Variants in BMP6 observed in about 807,000 individuals in gnomAD.
BMP6 encodes VG-1-R.
A neutral mutation model predicts 54.1 loss-of-function variants in BMP6; 17 were observed. The ratio of observed to expected loss-of-function variants is 0.31; its 90% confidence interval spans 0.22 to 0.47. The LOEUF (loss-of-function observed/expected upper bound fraction) is 0.47, where lower values mean the gene tolerates loss of function less well. Ranked by LOEUF, BMP6 falls within the 20% of genes least tolerant of loss-of-function variation. BMP6 has a pLI of 1.00. For missense variants in BMP6, 720 were observed against 690.4 expected (o/e 1.04, Z -0.48); for synonymous variants, 328 against 291.2 (o/e 1.13, Z -1.28).
chr6:7,773,535 CAG>C, intron 1 of BMP6, among the ~76,000 whole-genome samples: 1 of 152,118 alleles, frequency 6.6e-6, no homozygotes, highest in East Asian at 1.9e-4. Flanking sequence ...AACATAGGCT[CAG>C]AAAGGATATG....
Position 7,869,153 on chromosome 6 carries a change from C to A in BMP6, c.1204+6655C>A, listed in dbSNP as rs1248933743. ...CAGCAGCTGCGTGGTGGCCCTCCAGCCCCGCGGTGCAGCCTCCCCGCACAA... is the reference window on the plus strand; with the variant it reads ...CAGCAGCTGCGTGGTGGCCCTCCAGACCCGCGGTGCAGCCTCCCCGCACAA... On this transcript the variant is annotated intron_variant, in intron 4 of 6. Coordinates refer to ENST00000283147, the MANE Select transcript of BMP6 (RefSeq NM_001718.6). 2.0e-5 allele frequency among the ~76,000 whole-genome samples: 3 copies of A among 152,350 alleles called. No homozygotes were observed. The South Asian group carries it at 6.2e-4, about 32-fold the overall frequency.
rs905660337 is a variant in BMP6 at position 7,739,643 on chromosome 6, C to G, written c.664+12024C>G. The stretch of plus-strand genomic sequence containing the variant: ...GTTAACTGAATGTTCCAAATAGCAC[C>G]CAGTCATGTAATAGAACAGTTTTGT... On this transcript the variant is annotated intron_variant, in intron 1 of 6. Coordinates refer to ENST00000283147, the MANE Select transcript of BMP6 (RefSeq NM_001718.6). 6.3e-5 allele frequency among the ~76,000 whole-genome samples: 9 copies of G among 142,192 alleles called. No homozygotes were observed. In the East Asian group the frequency reaches 1.3e-3, roughly 21 times the overall value. 93.3% of individuals were successfully genotyped at this position (142,192 alleles called of 152,430 possible).
intron 1 of BMP6, among the ~76,000 whole-genome samples, chr6:7,732,726 T>C (rs9505269): frequency 0.012 from 1,865 of 152,280 alleles, 36 homozygotes; most frequent in African/African-American, 0.04. Context: ...AACTAAAAGA[T>C]AGCAGCTCTG....
intron 1 of BMP6, among the ~76,000 whole-genome samples, chr6:7,747,201 C>A (rs2113124623): frequency 6.6e-6 from 1 of 152,348 alleles, no homozygotes; most frequent in South Asian, 2.1e-4. Context: ...GGCAGGATTC[C>A]AGCCCCGTGG....
chr6:7,769,015 C>T (rs2113152248), intron 1 of BMP6, among the ~76,000 whole-genome samples: 1 of 152,300 alleles, frequency 6.6e-6, no homozygotes, highest in Non-Finnish European at 1.5e-5. Context: ...AACAGCTTTA[C>T]TGACTAGATA....
intron 4 of BMP6, among the ~76,000 whole-genome samples, chr6:7,863,402 G>A (rs1429366468): frequency 2.0e-5 from 3 of 152,156 alleles, no homozygotes; most frequent in African/African-American, 7.2e-5. Flanking sequence ...GGAATTCTTA[G>A]TAAAACTATC....
chr6:7,801,543 T>A (rs753532712), intron 1 of BMP6, among the ~76,000 whole-genome samples: 4 of 152,188 alleles, frequency 2.6e-5, no homozygotes, highest in Non-Finnish European at 4.4e-5. Context: ...TCACGTTTCA[T>A]CCACAGGCTT....
chr6:7,812,563 A>G (rs1360743075), intron 1 of BMP6, among the ~76,000 whole-genome samples: 3 of 152,228 alleles, frequency 2.0e-5, no homozygotes, highest in African/African-American at 7.2e-5. Flanking sequence ...AAATTTTCAG[A>G]CACATGTCAA....
chr6:7,786,305 C>G (rs886557721), intron 1 of BMP6, among the ~76,000 whole-genome samples: 2 of 152,160 alleles, frequency 1.3e-5, no homozygotes, highest in African/African-American at 4.8e-5. Flanking sequence ...CTGGAGAGGA[C>G]TGACTGCCTG....
At chr6:7,828,112 A>AT (rs1254999522) in intron 1 of BMP6, among the ~76,000 whole-genome samples, 1 of 152,042 alleles carries the variant, frequency 6.6e-6, no homozygotes, top group Non-Finnish European at 1.5e-5. Flanking sequence ...AGCCTGGTGA[A>AT]TTTTTTGTTA....
At chr6:7,804,121 T>C (rs1241942357) in intron 1 of BMP6, among the ~76,000 whole-genome samples, 1 of 152,118 alleles carries the variant, frequency 6.6e-6, no homozygotes, top group Non-Finnish European at 1.5e-5. Flanking sequence ...CACACTAAAT[T>C]GGAGCATTAT....
At position 7,791,343 on chromosome 6, in the gene BMP6, GA is replaced by G. The variant is rs1758103942; in HGVS notation, c.665-53796del. Among the ~76,000 whole-genome samples the G allele has an allele frequency of 4.6e-5, 7 of 152,292 alleles. No individual in the cohort carries two copies. The South Asian group carries it at 1.5e-3, about 32-fold the overall frequency. ...TTGCGTCCACTCCCACTGCTTCGGT[GA>G]GATGGATCAGTGACTCTCTCATTGC... On this transcript the variant is annotated intron_variant, in intron 1 of 6. Coordinates refer to ENST00000283147, the MANE Select transcript of BMP6 (RefSeq NM_001718.6).
intron 1 of BMP6, among the ~76,000 whole-genome samples, chr6:7,841,107 T>C (rs1049697861): frequency 3.3e-5 from 5 of 152,222 alleles, no homozygotes; most frequent in African/African-American, 1.2e-4. Context: ...GTATAGATTG[T>C]GTCACCTAAT....
intron 1 of BMP6, among the ~76,000 whole-genome samples, chr6:7,734,184 C>T (rs1761918404): frequency 6.6e-6 from 1 of 152,124 alleles, no homozygotes; most frequent in Admixed American, 6.5e-5. Flanking sequence ...TTTCTGGGGA[C>T]ACGTATGCCC....
intron 1 of BMP6, among the ~76,000 whole-genome samples, chr6:7,746,163 T>G (rs1411654367): frequency 6.6e-6 from 1 of 152,016 alleles, no homozygotes; most frequent in Non-Finnish European, 1.5e-5. Flanking sequence ...CCCTGAGAGG[T>G]CCGAGGTGCC....
intron 1 of BMP6, among the ~76,000 whole-genome samples, chr6:7,733,033 G>C (rs6909669): frequency 0.032 from 4,794 of 151,938 alleles, 249 homozygotes; most frequent in African/African-American, 0.11. Context: ...AGAGTAGCTG[G>C]GATTACAGGT....
chr6:7,797,536 C>T (rs1227316749), intron 1 of BMP6, among the ~76,000 whole-genome samples: 1 of 152,142 alleles, frequency 6.6e-6, no homozygotes, highest in South Asian at 2.1e-4. Context: ...AGGTGAGAAA[C>T]AAGAGTGGGT....
At chr6:7,801,005 A>G (rs1010166085) in intron 1 of BMP6, among the ~76,000 whole-genome samples, 11 of 152,102 alleles carry the variant, frequency 7.2e-5, no homozygotes, top group African/African-American at 2.7e-4. Context: ...GCAGGTACCT[A>G]AGTTTTTCAG....
intron 1 of BMP6, among the ~76,000 whole-genome samples, chr6:7,780,588 T>C (rs1480742911): frequency 6.6e-6 from 1 of 152,206 alleles, no homozygotes; most frequent in Non-Finnish European, 1.5e-5. Flanking sequence ...AACTTAAATT[T>C]CTTTTAATCC....
Sources: gnomAD v4.1 joint callset for allele counts (sites outside exome capture counted in the v4.1 genomes callset) on GRCh38, gnomAD v4.1.1 for gene constraint, MANE v1.5 for transcripts, NCBI Gene and HGNC (gene_info 2026-07-23, HGNC 2026-07-21) for gene names.